Variants in HSPG2 observed in about 807,000 individuals in gnomAD.
The protein encoded by HSPG2 is heparan sulfate proteoglycan 2.
Under a neutral mutation model 526.6 loss-of-function variants are expected in HSPG2, and 278 were observed. That is an observed-to-expected ratio of 0.53 (90% CI 0.48 to 0.58). The LOEUF (loss-of-function observed/expected upper bound fraction) is 0.58. Ranked by LOEUF, HSPG2 falls within the 20% of genes least tolerant of loss-of-function variation. The pLI, the probability that HSPG2 is intolerant of heterozygous loss-of-function variation, is 0.00. For missense variants in HSPG2, 5,354 were observed against 6,099.5 expected (o/e 0.88, Z 4.07); for synonymous variants, 2,465 against 2,555.4 (o/e 0.96, Z 1.07).
At chr1:21,922,949 C>T (rs186394198) in intron 1 of HSPG2, among the ~76,000 whole-genome samples, 4 of 152,188 alleles carry the variant, frequency 2.6e-5, no homozygotes, top group Non-Finnish European at 4.4e-5. Flanking sequence ...GCTGATGTTT[C>T]CCCCATCCCG....
rs569792019 is a variant in HSPG2 at position 21,825,822 on chromosome 1, G to A, written c.12590-1043C>T. ...TATTTTTGAGATGGAGTCTCGCTCC[G>A]TGGCCCAGGCTGGAGTGCAGTGGCA... On this transcript the variant is annotated intron_variant, in intron 91 of 96. Coordinates refer to ENST00000374695, the MANE Select transcript of HSPG2 (RefSeq NM_005529.7). Among the ~76,000 whole-genome samples, 23 of 152,202 alleles carry A rather than the reference G, an allele frequency of 1.5e-4. No individual in the cohort carries two copies. The South Asian group carries it at 3.5e-3, about 23-fold the overall frequency.
chr1:21,846,510 C>T lies in HSPG2; in HGVS notation c.8254G>A (p.Gly2752Arg), dbSNP rs143734280. The T allele has an allele frequency of 1.0e-4, 163 of 1,613,710 alleles. No individual in the cohort carries two copies. The African/African-American group carries it at 1.0e-3, about 10-fold the overall frequency. Residue 2752 changes from glycine (G) to arginine (R), a missense_variant, in exon 63 of 97, where the codon GGG becomes AGG. Gly to Arg is a moderately radical substitution (Grantham distance 125). Coordinates refer to ENST00000374695, the MANE Select transcript of HSPG2 (RefSeq NM_005529.7). ...ETLDLNCVVP[G>R]QAHAQVTWHK... Reference sequence around the variant, plus strand: ...CAAGTGACCTGGGCATGGGCCTGCCCGGGGACCACGCAGTTCAGATCCAGG... The same window carrying T: ...CAAGTGACCTGGGCATGGGCCTGCCTGGGGACCACGCAGTTCAGATCCAGG...
intron 76 of HSPG2, 194 bp from the exon 77 acceptor site, chr1:21,835,139 CTTCT>C (rs1186672797): frequency 4.4e-6 from 3 of 679,516 alleles, no homozygotes; most frequent in Non-Finnish European, 2.6e-6. Context: ...CACGTGTCCA[CTTCT>C]TTTTTTTTTT....
Position 21,855,396 on chromosome 1 carries a change from C to G in HSPG2, c.5905G>C (p.Ala1969Pro), listed in dbSNP as rs374167495. 3 of 1,612,960 alleles carry G rather than the reference C, an allele frequency of 1.9e-6. No individual in the cohort carries two copies. The Admixed American group carries it at 5.0e-5, about 27-fold the overall frequency. ...CAGTACAGCCTGACGGTGCGGCCTG[C>G]GTGGACCTGGGTCCTCTCTGGGCTC... The part of the protein sequence containing the change: ...QVSPERTQVH[A>P]GRTVRLYCRA... The change falls in exon 47 of 97, where the codon GCA becomes CCA. Residue 1969 changes from alanine (A) to proline (P), a missense_variant. Physicochemically the swap from Ala to Pro is conservative, Grantham distance 27. Transcript: ENST00000374695.
Position 21,937,237 on chromosome 1 carries a change from T to G in HSPG2, c.-20A>C, listed in dbSNP as rs1309191902. On this transcript the variant is annotated 5_prime_UTR_variant, in exon 1 of 97. Coordinates refer to ENST00000374695, the MANE Select transcript of HSPG2 (RefSeq NM_005529.7). ...CCCCATGGCCCGGCCCGCGCCGCTCTCTCGCTCGCTCGCTCCGCGCCGCCC... is the reference window on the plus strand; with the variant it reads ...CCCCATGGCCCGGCCCGCGCCGCTCGCTCGCTCGCTCGCTCCGCGCCGCCC... 3 of 901,828 alleles carry G rather than the reference T, an allele frequency of 3.3e-6. No individual in the cohort carries two copies. Among genetic ancestry groups the G allele is most frequent in the Non-Finnish European group, 3.9e-6 (3 of 763,662 alleles). 55.9% of individuals were successfully genotyped at this position (901,828 alleles called of 1,614,324 possible).
chr1:21,928,217 G>A (rs969271083), intron 1 of HSPG2, among the ~76,000 whole-genome samples: 1 of 152,214 alleles, frequency 6.6e-6, no homozygotes, highest in Non-Finnish European at 1.5e-5. Context: ...ACAGTGCCCA[G>A]GGAAGTGGCT....
chr1:21,895,966 T>C lies in HSPG2; in HGVS notation c.200A>G (p.Asp67Gly). The C allele has an allele frequency of 6.2e-7, 1 of 1,614,042 alleles. No individual in the cohort carries two copies. The highest frequency in any genetic ancestry group is 8.5e-7 in the Non-Finnish European group (1 of 1,179,960). Residue 67 changes from aspartate (D) to glycine (G), a missense_variant and splice_region_variant, in exon 3 of 97, where the codon GAC becomes GGC. Coordinates refer to ENST00000374695, the MANE Select transcript of HSPG2 (RefSeq NM_005529.7). The surrounding 1 kb of genome is among the most constrained non-coding windows in gnomAD (Gnocchi z 4.1). ...EDMLADSISG[D>G]DLGSGDLGSG... ...GCCCAGGTCCCCACTGCCCAGGTCGTCTATAAGCAAAAAAGAGATGTAATC... is the reference window on the plus strand; with the variant it reads ...GCCCAGGTCCCCACTGCCCAGGTCGCCTATAAGCAAAAAAGAGATGTAATC...
intron 33 of HSPG2, among the ~76,000 whole-genome samples, chr1:21,868,586 C>A (rs1257043425): frequency 1.3e-5 from 2 of 152,124 alleles, no homozygotes; most frequent in Non-Finnish European, 2.9e-5. Flanking sequence ...ACTAGGCCAG[C>A]ATCTAGACAC....
Position 21,852,160 on chromosome 1 carries a change from G to A in HSPG2, c.6798C>T (p.Cys2266=), listed in dbSNP as rs140714959. 11 of 1,613,882 alleles carry A rather than the reference G, an allele frequency of 6.8e-6. No individual in the cohort carries two copies. The highest frequency in any genetic ancestry group is 6.7e-5 in the African/African-American group (5 of 74,950). ...GGGCGTGGGCCTGCCCTGCCACCAC[G>A]CAGCTCAGATCCAGGGTCTGGCCCT... ...VAEGQTLDLS[C]VVAGQAHAQV... is the part of the protein sequence containing the mutation. The change falls in exon 53 of 97, where the codon TGC becomes TGT. Residue 2266 remains cysteine, a synonymous_variant. Transcript: ENST00000374695.
intron 55 of HSPG2, chr1:21,851,211 G>T (rs6426727): frequency 1.8e-4 from 66 of 361,930 alleles, no homozygotes; most frequent in African/African-American, 1.3e-3. Context: ...GACCTCAGGC[G>T]ATTCGCCCAC....
intron 1 of HSPG2, among the ~76,000 whole-genome samples, chr1:21,910,236 C>T (rs1481120845): frequency 6.6e-6 from 1 of 152,172 alleles, no homozygotes; most frequent in East Asian, 1.9e-4. Flanking sequence ...TGGGCCTCCT[C>T]CCTGGGGAAC....
At position 21,851,949 on chromosome 1, in the gene HSPG2, G is replaced by A. The variant is rs1034129793; in HGVS notation, c.6871-23C>T. 7 of 1,603,828 alleles carry A rather than the reference G, an allele frequency of 4.4e-6. No individual in the cohort carries two copies. In the Admixed American group the frequency reaches 8.6e-5, roughly 20 times the overall value. On this transcript the variant is annotated intron_variant, in intron 53 of 96. Coordinates refer to ENST00000374695, the MANE Select transcript of HSPG2 (RefSeq NM_005529.7). ...AACCTGGGCAGCCGTGGGCAGAGGT[G>A]TGAGGGGGGCTTCCCGGAGGCCAGC...
intron 33 of HSPG2, chr1:21,870,168 G>T: frequency 2.3e-6 from 2 of 851,788 alleles, no homozygotes; most frequent in Admixed American, 6.2e-5. Context: ...TGGTCTCCTC[G>T]CTGTGGCCCT....
rs74229164 is a variant in HSPG2 at position 21,862,269 on chromosome 1, C to T, written c.4741-154G>A. Among the ~76,000 whole-genome samples, 26,458 of 152,178 alleles carry T rather than the reference C, an allele frequency of 0.17. 2,692 individuals carry two copies. The highest frequency in any genetic ancestry group is 0.32 in the South Asian group (1,554 of 4,828). ...GCACAAAGATTTCATTACAAGGACACTCATCTCCGTGGTGTTTATAAAAAG... is the reference window on the plus strand; with the variant it reads ...GCACAAAGATTTCATTACAAGGACATTCATCTCCGTGGTGTTTATAAAAAG... On this transcript the variant is annotated intron_variant, in intron 37 of 96. Transcript: ENST00000374695.
intron 1 of HSPG2, among the ~76,000 whole-genome samples, chr1:21,917,160 G>A (rs1465531791): frequency 2.6e-5 from 4 of 152,036 alleles, no homozygotes; most frequent in South Asian, 2.1e-4. Context: ...GGCTGGGCGC[G>A]GTGGCACATG....
rs371904856 is a variant in HSPG2, at chr1:21,852,097, G to A, written c.6861C>T (p.Ala2287=). The stretch of plus-strand genomic sequence containing the variant: ...TCTTGGTGCCCTGTACCTGGTGCCG[G>A]GCAGGGAGGCTGCCCCCACGCTTGT... ...TWYKRGGSLP[A]RHQVRGSRLY... Residue 2287 remains alanine (A), a synonymous_variant, in exon 53 of 97, where the codon GCC becomes GCT. Transcript: ENST00000374695. 1.2e-6 allele frequency: 2 copies of A among 1,613,454 alleles called. No homozygotes were observed. Among genetic ancestry groups the A allele is most frequent in the South Asian group, 1.1e-5 (1 of 91,070 alleles).
Position 21,836,870 on chromosome 1 carries a change from G to A in HSPG2, c.10287C>T (p.Thr3429=). The A allele has an allele frequency of 3.8e-6, 6 of 1,578,534 alleles. No individual in the cohort carries two copies. Among genetic ancestry groups the A allele is most frequent in the Non-Finnish European group, 5.2e-6 (6 of 1,162,258 alleles). Reference sequence around the variant, plus strand: ...CCCCTTCCTTGAACCAACGGAGCTGGGTACCCCGGTCGCTGGGCACAGCAC... The same window carrying A: ...CCCCTTCCTTGAACCAACGGAGCTGAGTACCCCGGTCGCTGGGCACAGCAC... ...FHCAVPSDRG[T]QLRWFKEGGQ... is the part of the protein sequence containing the mutation. Residue 3429 remains threonine, a synonymous_variant, in exon 75 of 97, where the codon ACC becomes ACT. Coordinates refer to ENST00000374695, the MANE Select transcript of HSPG2 (RefSeq NM_005529.7).
At chr1:21,878,158 CT>C in intron 21 of HSPG2, 27 bp downstream of exon 21, 1 of 1,608,394 alleles carries the variant, frequency 6.2e-7, no homozygotes, top group Non-Finnish European at 8.5e-7. Flanking sequence ...CCCAAGGCCC[CT>C]GGGTGGGTGG....
chr1:21,855,520 C>T lies in HSPG2; in HGVS notation c.5854+3G>A. The T allele has an allele frequency of 2.5e-6, 4 of 1,609,854 alleles. No homozygotes were observed. Among genetic ancestry groups the T allele is most frequent in the South Asian group, 1.1e-5 (1 of 90,362 alleles). ...GGCCCCCACCCTGAGCCCGGCCTCTCACCATGCACGTGGAGCACAGCCCTG... is the reference window on the plus strand; with the variant it reads ...GGCCCCCACCCTGAGCCCGGCCTCTTACCATGCACGTGGAGCACAGCCCTG... On this transcript the variant is annotated splice_donor_region_variant and intron_variant, in intron 46 of 96. Coordinates refer to ENST00000374695, the MANE Select transcript of HSPG2 (RefSeq NM_005529.7).
Sources: allele counts gnomAD v4.1 joint callset (sites outside exome capture counted in the v4.1 genomes callset), GRCh38; gene constraint gnomAD v4.1.1; non-coding constraint Gnocchi (gnomAD v3.1); transcripts MANE v1.5; gene names NCBI Gene and HGNC (gene_info 2026-07-23, HGNC 2026-07-21).